REEP1: variants seen among roughly 807,000 people sequenced by gnomAD.
The protein encoded by REEP1 is receptor accessory protein 1, also known as receptor expression-enhancing protein 1.
A neutral mutation model predicts 40.3 loss-of-function variants in REEP1; 22 were observed. That is an observed-to-expected ratio of 0.55 (90% confidence interval 0.39 to 0.78). REEP1 has a LOEUF of 0.78. Among genes scored for constraint, REEP1 ranks in the 30% least tolerant of loss-of-function variants. The probability of loss-of-function intolerance (pLI) is 0.00; values close to 1 mark genes in which losing one functional copy is unlikely to be tolerated. For synonymous variants in REEP1, 116 were observed against 139.2 expected (o/e 0.83, Z 1.17); for missense variants, 280 against 361.1 (o/e 0.78, Z 1.82).
At chr2:86,333,611 A>AT (rs1680872209) in intron 1 of REEP1, among the ~76,000 whole-genome samples, 1 of 152,210 alleles carries the variant, frequency 6.6e-6, no homozygotes, top group African/African-American at 2.4e-5. Flanking sequence ...GGCCAAGACA[A>AT]TGAGGCAATA....
In REEP1 at chr2:86,215,808, G is replaced by C. The variant is rs557094370; in HGVS notation, c.*1231C>G. On this transcript the variant is annotated 3_prime_UTR_variant, in exon 9 of 9. Transcript: ENST00000538924. ...TCTGATAAGGCCTGTAGTGCCCATT[G>C]AGTATGAGTCTGCTGTTTACATTCT... 10 of 152,472 alleles carry C rather than the reference G, an allele frequency of 6.6e-5. No homozygotes were observed. The highest frequency in any genetic ancestry group is 2.2e-4 in the African/African-American group (9 of 41,508). The allele number at this position is 152,472 out of a possible 1,614,324, so 9.4% of individuals were successfully genotyped here.
chr2:86,286,518 T>C (rs930093794), intron 1 of REEP1, among the ~76,000 whole-genome samples: 9 of 152,194 alleles, frequency 5.9e-5, no homozygotes, highest in Non-Finnish European at 1.2e-4. Flanking sequence ...TCAAGGGTCA[T>C]TTTTTGAACC....
At chr2:86,229,445 G>C (rs1289495542) in intron 6 of REEP1, among the ~76,000 whole-genome samples, 2 of 152,038 alleles carry the variant, frequency 1.3e-5, no homozygotes, top group Non-Finnish European at 2.9e-5. Flanking sequence ...GGCTGAGCTG[G>C]GGAGAGTACA....
intron 6 of REEP1, among the ~76,000 whole-genome samples, chr2:86,229,227 A>G (rs1674881393): frequency 6.6e-6 from 1 of 152,198 alleles, no homozygotes; most frequent in Non-Finnish European, 1.5e-5. Flanking sequence ...CCAAGGCCAA[A>G]TCTATGGTAG....
chr2:86,308,087 T>C (rs969905833), intron 1 of REEP1, among the ~76,000 whole-genome samples: 1 of 152,190 alleles, frequency 6.6e-6, no homozygotes, highest in Non-Finnish European at 1.5e-5. Context: ...CCTTGAGATA[T>C]AAATATGGGT....
intron 2 of REEP1, among the ~76,000 whole-genome samples, chr2:86,277,936 T>C (rs1165281978): frequency 6.6e-6 from 1 of 152,230 alleles, no homozygotes; most frequent in East Asian, 1.9e-4. Context: ...CCAGCAGAGA[T>C]ACAACTGATC....
At chr2:86,267,176 T>C (rs920921243) in intron 2 of REEP1, among the ~76,000 whole-genome samples, 5 of 152,128 alleles carry the variant, frequency 3.3e-5, no homozygotes, top group African/African-American at 9.7e-5. Flanking sequence ...TCTTCTCAAA[T>C]TGTAATCCAA....
chr2:86,334,386 C>G (rs566073409), intron 1 of REEP1, among the ~76,000 whole-genome samples: 1 of 152,248 alleles, frequency 6.6e-6, no homozygotes, highest in Admixed American at 6.5e-5. Flanking sequence ...ATTACTTATA[C>G]AAAACGTGAC....
chr2:86,302,477 T>C (rs948668576), intron 1 of REEP1, among the ~76,000 whole-genome samples: 6 of 152,186 alleles, frequency 3.9e-5, no homozygotes, highest in African/African-American at 1.4e-4. Flanking sequence ...TCTCAAACCT[T>C]AACAGTGTTG....
intron 2 of REEP1, among the ~76,000 whole-genome samples, chr2:86,278,942 T>C (rs995558726): frequency 8.5e-5 from 13 of 152,326 alleles, no homozygotes; most frequent in African/African-American, 2.9e-4. Context: ...GTAAGTTTGG[T>C]TGGAAAGACA....
At chr2:86,284,788 G>A (rs2104405834) in intron 1 of REEP1, among the ~76,000 whole-genome samples, 1 of 152,304 alleles carries the variant, frequency 6.6e-6, no homozygotes, top group African/African-American at 2.4e-5. Context: ...TCACAGAGCA[G>A]GGAAGGCAAG....
rs1256121238 is a variant in REEP1 at position 86,237,996 on chromosome 2, A to G, written c.418-5194T>C. On this transcript the variant is annotated intron_variant, in intron 5 of 8. Coordinates refer to ENST00000538924, the MANE Select transcript of REEP1 (RefSeq NM_001371279.1). ...CGGGAGTTTGAGACCAGCCTGTCCA[A>G]CATGGAGAAACTCCATCTCTACTAA... Among the ~76,000 whole-genome samples, 6 of 152,138 alleles carry G rather than the reference A, an allele frequency of 3.9e-5. No individual in the cohort carries two copies. In the East Asian group the frequency reaches 1.2e-3, roughly 29 times the overall value.
intron 3 of REEP1, among the ~76,000 whole-genome samples, chr2:86,257,661 G>C (rs1676639145): frequency 7.0e-6 from 1 of 142,970 alleles, no homozygotes; most frequent in African/African-American, 2.6e-5. Context: ...TTTTGAGACA[G>C]AGTTTCACTC....
rs70956105 is a variant in REEP1 at position 86,226,075 on chromosome 2, TCACCACCACCACCACCAC to T, written c.631+1270_631+1287del. Among the ~76,000 whole-genome samples the T allele has an allele frequency of 7.5e-3, 843 of 111,880 alleles. 7 individuals are homozygous for T. The highest frequency in any genetic ancestry group is 0.023 in the African/African-American group (733 of 32,118). The allele number at this position is 111,880 out of a possible 152,430, so 73.4% of individuals were successfully genotyped here. A position where few individuals can be genotyped will look rare whatever the true frequency, so the allele number is the denominator to read the frequency against. Reference sequence around the variant, plus strand: ...GGGGTCTCCTGGATGCTCCAGGCTATCACCACCACCACCACCACCACCACCACCACCACCACCACCATC... The same window carrying T: ...GGGGTCTCCTGGATGCTCCAGGCTATCACCACCACCACCACCACCACCATC... On this transcript the variant is annotated intron_variant, in intron 7 of 8. Coordinates refer to ENST00000538924, the MANE Select transcript of REEP1 (RefSeq NM_001371279.1).
chr2:86,222,456 G>A (rs975680714), intron 7 of REEP1, among the ~76,000 whole-genome samples: 3 of 152,244 alleles, frequency 2.0e-5, no homozygotes, highest in Non-Finnish European at 4.4e-5. Flanking sequence ...TGTCCGCTGA[G>A]CATTTCTGCC....
intron 7 of REEP1, among the ~76,000 whole-genome samples, chr2:86,222,025 C>A (rs1674459271): frequency 6.6e-6 from 1 of 152,148 alleles, no homozygotes; most frequent in South Asian, 2.1e-4. Context: ...ACATCCAGGT[C>A]CAGGGCTTTC....
intron 2 of REEP1, among the ~76,000 whole-genome samples, chr2:86,275,033 CT>C (rs1677678489): frequency 6.6e-6 from 1 of 152,184 alleles, no homozygotes; most frequent in African/African-American, 2.4e-5. Flanking sequence ...CTCACCTCAC[CT>C]TTGGACTCTG....
intron 5 of REEP1, among the ~76,000 whole-genome samples, chr2:86,248,701 C>T (rs35370705): frequency 0.33 from 50,642 of 151,982 alleles, 9,609 homozygotes; most frequent in Middle Eastern, 0.45. Flanking sequence ...TCTCCCACCT[C>T]GGCCTCCCAA....
intron 1 of REEP1, among the ~76,000 whole-genome samples, chr2:86,327,221 C>G (rs1277929924): frequency 6.6e-6 from 1 of 152,194 alleles, no homozygotes; most frequent in Non-Finnish European, 1.5e-5. Flanking sequence ...TTTCCCTCCC[C>G]CAGGATATGC....
Sources: allele counts gnomAD v4.1 joint callset (sites outside exome capture counted in the v4.1 genomes callset), GRCh38; gene constraint gnomAD v4.1.1; transcripts MANE v1.5; gene names NCBI Gene and HGNC (gene_info 2026-07-23, HGNC 2026-07-21).